ENDOD1: variants seen among roughly 807,000 people sequenced by gnomAD.
The protein encoded by ENDOD1 is endonuclease domain containing 1.
Under a neutral mutation model 6.5 loss-of-function variants are expected in ENDOD1, and 9 were observed. That is an observed-to-expected ratio of 1.39 (90% CI 0.84 to 2.43). The LOEUF is 2.43. ENDOD1 is among the 30% of genes most tolerant of loss of function. ENDOD1 has a pLI of 0.00. For missense variants in ENDOD1, 648 were observed against 635.5 expected (o/e 1.02, Z -0.21); for synonymous variants, 255 against 255.2 (o/e 1.00, Z 0.01).
chr11:95,119,216 G>A (rs1859239563), intron 1 of ENDOD1, among the ~76,000 whole-genome samples: 1 of 152,172 alleles, frequency 6.6e-6, no homozygotes, highest in Non-Finnish European at 1.5e-5. Flanking sequence ...GGATGGTCTT[G>A]ATACTTGTAG....
At chr11:95,127,909 A>G (rs1049421318) in intron 1 of ENDOD1, among the ~76,000 whole-genome samples, 3 of 152,250 alleles carry the variant, frequency 2.0e-5, no homozygotes, top group South Asian at 4.1e-4. Context: ...ACAGGCACCC[A>G]TCACCACATC....
intron 1 of ENDOD1, among the ~76,000 whole-genome samples, chr11:95,125,014 G>A (rs1035575778): frequency 2.6e-5 from 4 of 151,856 alleles, no homozygotes; most frequent in African/African-American, 7.3e-5. Flanking sequence ...ATCCTCCCCT[G>A]TTCTCCTTCT....
chr11:95,108,061 G>T (rs1859108787), intron 1 of ENDOD1, among the ~76,000 whole-genome samples: 1 of 152,210 alleles, frequency 6.6e-6, no homozygotes, highest in Admixed American at 6.5e-5. Context: ...GAGTCTGTTT[G>T]CCCCCAGGCC....
chr11:95,129,768 G>A lies in ENDOD1; in HGVS notation c.*189G>A, dbSNP rs1368091572. The A allele has an allele frequency of 1.9e-5, 12 of 623,350 alleles. No homozygotes were observed. Among genetic ancestry groups the A allele is most frequent in the South Asian group, 1.8e-4 (9 of 48,776 alleles). The allele number at this position is 623,350 out of a possible 1,614,324, so 38.6% of individuals were successfully genotyped here. ...AGGAGAAATGCTCAGGGTGAGATTA[G>A]GTGTAGTAATCTGCTGTTTACCTCC... On this transcript the variant is annotated 3_prime_UTR_variant, in exon 2 of 2. Transcript: ENST00000278505.
At chr11:95,096,462 T>C (rs1468787211) in intron 1 of ENDOD1, among the ~76,000 whole-genome samples, 2 of 152,154 alleles carry the variant, frequency 1.3e-5, no homozygotes, top group Non-Finnish European at 2.9e-5. Flanking sequence ...CATGCTTCAT[T>C]GACCTAGTGC....
At position 95,129,868 on chromosome 11, in the gene ENDOD1, A is replaced by G. The variant is rs533612828; in HGVS notation, c.*289A>G. 4.4e-5 allele frequency: 12 copies of G among 271,404 alleles called. No individual in the cohort carries two copies. The South Asian group carries it at 9.6e-4, about 22-fold the overall frequency. 16.8% of individuals were successfully genotyped at this position (271,404 alleles called of 1,614,324 possible). A position where few individuals can be genotyped will look rare whatever the true frequency, so the allele number is the denominator to read the frequency against. The stretch of plus-strand genomic sequence containing the variant: ...TAACACAGACGACCACCTGAAATGC[A>G]CTGGTATTTATTTCTGATAATTAAA... On this transcript the variant is annotated 3_prime_UTR_variant, in exon 2 of 2. Transcript: ENST00000278505.
chr11:95,114,732 C>A (rs1463592294), intron 1 of ENDOD1, among the ~76,000 whole-genome samples: 2 of 151,996 alleles, frequency 1.3e-5, no homozygotes, highest in Non-Finnish European at 2.9e-5. Context: ...TTTTCCTGGC[C>A]CCATTTATTG....
At position 95,113,218 on chromosome 11, in the gene ENDOD1, C is replaced by T. The variant is rs11021045; in HGVS notation, c.301-15159C>T. 2.9e-3 allele frequency among the ~76,000 whole-genome samples: 441 copies of T among 152,148 alleles called. 12 individuals carry two copies. The East Asian group carries it at 0.054, about 19-fold the overall frequency. On this transcript the variant is annotated intron_variant, in intron 1 of 1. Coordinates refer to ENST00000278505, the MANE Select transcript of ENDOD1 (RefSeq NM_015036.3). ...AAAATGGGGTATCCTTACTCTAAAG[C>T]ATTTATTCTTTATGTTACCAACAAT...
In ENDOD1 at chr11:95,130,256, G is replaced by A. The variant is rs1859357822; in HGVS notation, c.*677G>A. The A allele has an allele frequency of 6.6e-6, 1 of 151,532 alleles. No individual in the cohort carries two copies. Among genetic ancestry groups the A allele is most frequent in the African/African-American group, 2.4e-5 (1 of 41,234 alleles). The allele number at this position is 151,532 out of a possible 1,614,324, so 9.4% of individuals were successfully genotyped here. A position where few individuals can be genotyped will look rare whatever the true frequency, so the allele number is the denominator to read the frequency against. On this transcript the variant is annotated 3_prime_UTR_variant, in exon 2 of 2. Coordinates refer to ENST00000278505, the MANE Select transcript of ENDOD1 (RefSeq NM_015036.3). ...GCATTTTTTAAAAAATCATTTTTAG[G>A]TAATGGTAAGCATTTTATGCCAAAT... is the stretch of plus-strand genomic sequence containing the variant.
chr11:95,102,368 T>TAAA (rs34465864), intron 1 of ENDOD1, among the ~76,000 whole-genome samples: 8,054 of 128,880 alleles, frequency 0.062, 307 homozygotes, highest in African/African-American at 0.12. Flanking sequence ...CTTTCCTGCT[T>TAAA]AAAAAAAAAA....
chr11:95,102,531 G>A (rs1320571624), intron 1 of ENDOD1, among the ~76,000 whole-genome samples: 1 of 152,082 alleles, frequency 6.6e-6, no homozygotes. Context: ...AATTAGCTGG[G>A]CGTGGTGGCA....
At chr11:95,101,547 T>C (rs78918584) in intron 1 of ENDOD1, among the ~76,000 whole-genome samples, 19,335 of 151,028 alleles carry the variant, frequency 0.13, 1,470 homozygotes, top group African/African-American at 0.22. Context: ...AAATAACATA[T>C]GCTTATGGTG....
intron 1 of ENDOD1, among the ~76,000 whole-genome samples, chr11:95,108,042 T>C (rs1859108382): frequency 6.6e-6 from 1 of 152,164 alleles, no homozygotes; most frequent in Non-Finnish European, 1.5e-5. Flanking sequence ...GCCAGAGGTG[T>C]CCCCGGGAGA....
intron 1 of ENDOD1, among the ~76,000 whole-genome samples, chr11:95,099,199 C>G (rs556256088): frequency 6.6e-6 from 1 of 152,196 alleles, no homozygotes; most frequent in African/African-American, 2.4e-5. Flanking sequence ...TTCCATAAGG[C>G]ACCAGGTTAG....
chr11:95,106,294 G>T (rs1330322273), intron 1 of ENDOD1, among the ~76,000 whole-genome samples: 1 of 152,216 alleles, frequency 6.6e-6, no homozygotes, highest in Non-Finnish European at 1.5e-5. Context: ...AGGTAGCATA[G>T]AGGAATGGTG....
intron 1 of ENDOD1, among the ~76,000 whole-genome samples, chr11:95,110,201 T>C (rs1555111765): frequency 1.3e-5 from 2 of 152,214 alleles, no homozygotes; most frequent in African/African-American, 4.8e-5. Flanking sequence ...AGATCACCAC[T>C]TCCCTGAGTA....
At chr11:95,101,743 G>A (rs1859043013) in intron 1 of ENDOD1, among the ~76,000 whole-genome samples, 1 of 152,046 alleles carries the variant, frequency 6.6e-6, no homozygotes. Context: ...TGAACTCTAT[G>A]AGGCCACATC....
chr11:95,125,114 T>G (rs2134174631), intron 1 of ENDOD1, among the ~76,000 whole-genome samples: 1 of 152,208 alleles, frequency 6.6e-6, no homozygotes, highest in Middle Eastern at 3.4e-3. Flanking sequence ...TGTAGGCACG[T>G]TTCACCCTTG....
At chr11:95,110,505 C>T (rs1859137221) in intron 1 of ENDOD1, among the ~76,000 whole-genome samples, 1 of 152,176 alleles carries the variant, frequency 6.6e-6, no homozygotes, top group African/African-American at 2.4e-5. Context: ...GGCAAATGCA[C>T]AGGATCCCCC....
Sources: gnomAD v4.1 joint callset for allele counts (sites outside exome capture counted in the v4.1 genomes callset) on GRCh38, gnomAD v4.1.1 for gene constraint, MANE v1.5 for transcripts, NCBI Gene and HGNC (gene_info 2026-07-23, HGNC 2026-07-21) for gene names.